CFAP44: variants seen among roughly 807,000 people sequenced by gnomAD.
CFAP44 encodes the protein cilia- and flagella-associated protein 44.
Under a neutral mutation model 216.2 loss-of-function variants are expected in CFAP44, and 134 were observed. That is an observed-to-expected ratio of 0.62 (90% CI 0.54 to 0.72). The LOEUF (loss-of-function observed/expected upper bound fraction) is 0.72, where lower values mean the gene tolerates loss of function less well. Among genes scored for constraint, CFAP44 ranks in the 30% least tolerant of loss-of-function variants. The pLI is 0.00. For synonymous variants in CFAP44, 700 were observed against 727.6 expected (o/e 0.96, Z 0.61); for missense variants, 2,035 against 2,182.1 (o/e 0.93, Z 1.34).
At chr3:113,298,779 C>T (rs908822588) in intron 32 of CFAP44, among the ~76,000 whole-genome samples, 2 of 152,118 alleles carry the variant, frequency 1.3e-5, no homozygotes, top group African/African-American at 2.4e-5. Context: ...TGAAGTACTT[C>T]GAGTAGTCAA....
intron 28 of CFAP44, among the ~76,000 whole-genome samples, chr3:113,310,950 G>A (rs1266476291): frequency 2.0e-5 from 3 of 152,170 alleles, no homozygotes; most frequent in Non-Finnish European, 4.4e-5. Flanking sequence ...CTCCTTTATA[G>A]CCTGTGGAAC....
rs1303520639 is a variant in CFAP44, at chr3:113,322,965, G to C, written c.4516+3480C>G. Among the ~76,000 whole-genome samples the C allele has an allele frequency of 2.0e-5, 3 of 152,218 alleles. No homozygotes were observed. The East Asian group carries it at 5.8e-4, about 29-fold the overall frequency. On this transcript the variant is annotated intron_variant, in intron 28 of 34. Coordinates refer to ENST00000393845, the MANE Select transcript of CFAP44 (RefSeq NM_001164496.2). ...ACATGTCCTCCTCCACATGGCAGCAGGAAGGAGAAGTGCAGAGTGAAGTTG... is the reference window on the plus strand; with the variant it reads ...ACATGTCCTCCTCCACATGGCAGCACGAAGGAGAAGTGCAGAGTGAAGTTG...
At chr3:113,305,556 A>G (rs1949977601) in intron 30 of CFAP44, among the ~76,000 whole-genome samples, 1 of 152,226 alleles carries the variant, frequency 6.6e-6, no homozygotes, top group African/African-American at 2.4e-5. Flanking sequence ...ACTGCTAACT[A>G]TAGTATTTCT....
chr3:113,331,053 G>C (rs1234715149), intron 25 of CFAP44, among the ~76,000 whole-genome samples: 1 of 152,074 alleles, frequency 6.6e-6, no homozygotes, highest in Non-Finnish European at 1.5e-5. Context: ...TTTCCTCCTG[G>C]AACTTTGAAT....
chr3:113,350,033 A>T (rs9878805), intron 22 of CFAP44, among the ~76,000 whole-genome samples: 2 of 152,060 alleles, frequency 1.3e-5, no homozygotes, highest in African/African-American at 2.4e-5. Context: ...AAATATCACA[A>T]GGAAACCATG....
intron 18 of CFAP44, among the ~76,000 whole-genome samples, chr3:113,369,250 A>G (rs1015323008): frequency 6.6e-6 from 1 of 152,206 alleles, no homozygotes; most frequent in Non-Finnish European, 1.5e-5. Context: ...ACATCTATAG[A>G]ACTCTCCATC....
At position 113,403,963 on chromosome 3, in the gene CFAP44, G is replaced by C; in HGVS notation, c.1059C>G (p.Ile353Met). The C allele has an allele frequency of 6.2e-7, 1 of 1,614,124 alleles. No homozygotes were observed. Among genetic ancestry groups the C allele is most frequent in the African/African-American group, 1.3e-5 (1 of 75,030 alleles). Residue 353 changes from isoleucine (I) to methionine (M), a missense_variant, in exon 9 of 35, where the codon ATC becomes ATG. Physicochemically the swap from Ile to Met is conservative, Grantham distance 10. Around this residue, in one of 3 missense-constraint regions of CFAP44, gnomAD observed 1,883 missense variants for 2,023.7 expected, o/e 0.93. Coordinates refer to ENST00000393845, the MANE Select transcript of CFAP44 (RefSeq NM_001164496.2). ...TTGTCCCTCGACAGAGCTCCACTTT[G>C]ATCAGACCACCTTCCCAAAGCAGCA... Reference protein sequence around the residue: ...GNMLLWEGGLIKVELCRGTSK... With the variant: ...GNMLLWEGGLMKVELCRGTSK...
intron 29 of CFAP44, among the ~76,000 whole-genome samples, chr3:113,307,918 T>C (rs1346252594): frequency 6.6e-6 from 1 of 152,208 alleles, no homozygotes; most frequent in Non-Finnish European, 1.5e-5. Context: ...AGGTGGAGGT[T>C]GCAGTGAGCC....
chr3:113,423,171 G>A (rs1934866376), intron 4 of CFAP44, among the ~76,000 whole-genome samples: 1 of 131,470 alleles, frequency 7.6e-6, no homozygotes. Context: ...CTGGAGTGCA[G>A]TGGCATGAAC....
At chr3:113,386,851 T>C (rs966189470) in intron 15 of CFAP44, among the ~76,000 whole-genome samples, 4 of 152,188 alleles carry the variant, frequency 2.6e-5, no homozygotes, top group African/African-American at 9.7e-5. Flanking sequence ...GGTGGCTGTG[T>C]GGCATGAAGA....
rs918341740 is a variant in CFAP44, at chr3:113,290,106, G to A, written c.*1451C>T. On this transcript the variant is annotated 3_prime_UTR_variant, in exon 35 of 35. Coordinates refer to ENST00000393845, the MANE Select transcript of CFAP44 (RefSeq NM_001164496.2). ...GGTAATTTTTTACCGCAATAAATAA[G>A]ACACTCAGGGCTATGACTAGCATAT... 3.9e-5 allele frequency: 6 copies of A among 152,036 alleles called. No individual in the cohort carries two copies. The highest frequency in any genetic ancestry group is 6.6e-5 in the Admixed American group (1 of 15,254). The allele number at this position is 152,036 out of a possible 1,614,324, so 9.4% of individuals were successfully genotyped here. A position where few individuals can be genotyped will look rare whatever the true frequency, so the allele number is the denominator to read the frequency against.
rs766068279 is a variant in CFAP44 at position 113,304,085 on chromosome 3, G to A, written c.4908C>T (p.Ser1636=). 1.5e-5 allele frequency: 23 copies of A among 1,537,018 alleles called. No homozygotes were observed. The highest frequency in any genetic ancestry group is 6.8e-5 in the African/African-American group (5 of 73,004). The part of the protein sequence containing the change: ...IEYVVFGEIP[S]DLSGTLVFSN... The stretch of plus-strand genomic sequence containing the variant: ...AGAAGACCAAAGTACCAGAAAGATC[G>A]CTAGGTATTTCTCCAAATACCACAT... Residue 1636 remains serine (S), a synonymous_variant, in exon 32 of 35, where the codon AGC becomes AGT. Transcript: ENST00000393845.
chr3:113,363,282 C>T lies in CFAP44; in HGVS notation c.2797G>A (p.Glu933Lys), dbSNP rs1380963637. 6.2e-7 allele frequency: 1 copy of T among 1,609,992 alleles called. No homozygotes were observed. The highest frequency in any genetic ancestry group is 8.5e-7 in the Non-Finnish European group (1 of 1,178,860). ...ACTTCTTTCATTAACTTGTCATGTTCTCTTTTTCTCCTAGCATTCTCGATA... is the reference window on the plus strand; with the variant it reads ...ACTTCTTTCATTAACTTGTCATGTTTTCTTTTTCTCCTAGCATTCTCGATA... ...YSIENARRKR[E>K]HDKLMKEVGE... Residue 933 changes from glutamate to lysine, a missense_variant, in exon 21 of 35, where the codon GAA becomes AAA. Glu to Lys is a moderately conservative substitution (Grantham distance 56, BLOSUM62 1). Coordinates refer to ENST00000393845, the MANE Select transcript of CFAP44 (RefSeq NM_001164496.2).
chr3:113,352,884 GTACAACTT>G, intron 22 of CFAP44, among the ~76,000 whole-genome samples: 1 of 152,228 alleles, frequency 6.6e-6, no homozygotes, highest in East Asian at 1.9e-4. Context: ...GTGTTATTTG[GTACAACTT>G]TATCCTCTCC....
chr3:113,432,479 A>G (rs919263619), intron 2 of CFAP44, among the ~76,000 whole-genome samples: 1 of 152,156 alleles, frequency 6.6e-6, no homozygotes, highest in African/African-American at 2.4e-5. Context: ...AGCCTTCTCT[A>G]TCTCTCCAGA....
intron 1 of CFAP44, among the ~76,000 whole-genome samples, chr3:113,436,674 T>G (rs1486596159): frequency 1.3e-5 from 2 of 152,228 alleles, no homozygotes; most frequent in African/African-American, 4.8e-5. Context: ...TCCCTAAGTT[T>G]CCAAGACGCA....
intron 24 of CFAP44, among the ~76,000 whole-genome samples, chr3:113,339,028 C>CA (rs1008311887): frequency 4.4e-4 from 67 of 152,216 alleles, no homozygotes; most frequent in African/African-American, 1.5e-3. Flanking sequence ...ACACTGTTGG[C>CA]AAAAGTCTGG....
At chr3:113,309,589 G>A (rs144257440) in intron 28 of CFAP44, among the ~76,000 whole-genome samples, 55 of 152,248 alleles carry the variant, frequency 3.6e-4, no homozygotes, top group African/African-American at 1.3e-3. Context: ...TGGATAAGGG[G>A]TTGTAGACCT....
At chr3:113,298,670 T>C (rs750471893) in intron 32 of CFAP44, among the ~76,000 whole-genome samples, 2 of 152,174 alleles carry the variant, frequency 1.3e-5, no homozygotes, top group African/African-American at 2.4e-5. Flanking sequence ...AGGAAGAAAA[T>C]TCTGACACAT....
Sources: gnomAD v4.1 joint callset for allele counts (sites outside exome capture counted in the v4.1 genomes callset) on GRCh38, gnomAD v4.1.1 for gene constraint, gnomAD v4.1.1 regional missense constraint, MANE v1.5 for transcripts, NCBI Gene and HGNC (gene_info 2026-07-23, HGNC 2026-07-21) for gene names.